The following SORCS2 variants were observed in gnomAD, a reference collection of about 807,000 sequenced individuals.
SORCS2 encodes sortilin related VPS10 domain containing receptor 2, also known as VPS10 domain-containing receptor SorCS2.
In SORCS2, 100 loss-of-function variants were observed where a neutral mutation model predicts 141.6. That is an observed-to-expected ratio of 0.71 (90% CI 0.60 to 0.83). The LOEUF is 0.83. Ranked by LOEUF, SORCS2 falls within the 40% of genes least tolerant of loss-of-function variation. The probability of loss-of-function intolerance (pLI) is 0.00; values close to 1 mark genes in which losing one functional copy is unlikely to be tolerated. For synonymous variants in SORCS2, 789 were observed against 676.9 expected (o/e 1.17, Z -2.57); for missense variants, 1,646 against 1,560.2 (o/e 1.05, Z -0.93).
At chr4:7,466,879 G>A in intron 2 of SORCS2, among the ~76,000 whole-genome samples, 1 of 152,140 alleles carries the variant, frequency 6.6e-6, no homozygotes. Context: ...TATTTGCCAT[G>A]TGCTTGGACA....
chr4:7,295,113 CCCT>C (rs1160286959), intron 1 of SORCS2, among the ~76,000 whole-genome samples: 1 of 14,156 alleles, frequency 7.1e-5, no homozygotes, highest in African/African-American at 4.2e-4. Context: ...TCCTTCCTCT[CCCT>C]CCTCCTCTTC....
chr4:7,724,313 G>GTGA (rs1439970862), intron 19 of SORCS2, among the ~76,000 whole-genome samples: 1 of 138,930 alleles, frequency 7.2e-6, no homozygotes, highest in East Asian at 2.1e-4. Flanking sequence ...AATGGTGGTG[G>GTGA]TGGTGGTGGT....
At chr4:7,585,689 C>T (rs1404641009) in intron 3 of SORCS2, among the ~76,000 whole-genome samples, 3 of 152,196 alleles carry the variant, frequency 2.0e-5, no homozygotes, top group Non-Finnish European at 1.5e-5. Context: ...TTTCAATGCT[C>T]ACAGCCTCTT....
At chr4:7,517,580 C>T (rs189833676) in intron 2 of SORCS2, among the ~76,000 whole-genome samples, 1 of 152,288 alleles carries the variant, frequency 6.6e-6, no homozygotes, top group East Asian at 1.9e-4. Context: ...TGCGAACTGG[C>T]ATACGAAAAT....
intron 2 of SORCS2, among the ~76,000 whole-genome samples, chr4:7,495,269 T>C (rs1453968923): frequency 6.6e-6 from 1 of 152,206 alleles, no homozygotes; most frequent in Non-Finnish European, 1.5e-5. Flanking sequence ...GAGCCTGTCC[T>C]GGGGACCCAC....
At chr4:7,301,126 C>T (rs535954583) in intron 1 of SORCS2, among the ~76,000 whole-genome samples, 23 of 152,272 alleles carry the variant, frequency 1.5e-4, no homozygotes, top group African/African-American at 5.5e-4. Flanking sequence ...CCTTCTGTCC[C>T]TGCTTAGGCC....
chr4:7,304,375 C>T lies in SORCS2; in HGVS notation c.481-91913C>T, dbSNP rs140227789. Among the ~76,000 whole-genome samples the T allele has an allele frequency of 2.6e-3, 390 of 152,288 alleles. 1 individual carries two copies. Among genetic ancestry groups the T allele is most frequent in the African/African-American group, 9.1e-3 (377 of 41,554 alleles). ...CTGCCCTTCCCTCCCTCTTTCCTGC[C>T]TCCTTCCCCCCTTTTATGCATCATC... On this transcript the variant is annotated intron_variant, in intron 1 of 26. Coordinates refer to ENST00000507866, the MANE Select transcript of SORCS2 (RefSeq NM_020777.3).
chr4:7,413,120 A>G (rs556658816), intron 2 of SORCS2, among the ~76,000 whole-genome samples: 1 of 152,252 alleles, frequency 6.6e-6, no homozygotes, highest in African/African-American at 2.4e-5. Context: ...CATTCTTAAT[A>G]TGGGCAGGGC....
intron 1 of SORCS2, among the ~76,000 whole-genome samples, chr4:7,264,951 C>G (rs1276019961): frequency 1.3e-5 from 2 of 152,266 alleles, no homozygotes; most frequent in African/African-American, 4.8e-5. Context: ...GCCATCATTC[C>G]CGCCTGGCCG....
chr4:7,628,519 G>GAAAA (rs11461925), intron 3 of SORCS2, among the ~76,000 whole-genome samples: 3 of 135,434 alleles, frequency 2.2e-5, no homozygotes, highest in Admixed American at 7.3e-5. Context: ...ACTCCGTCTC[G>GAAAA]AAAAAAAAAA....
chr4:7,724,716 ATTG>A (rs1435964195), intron 19 of SORCS2, among the ~76,000 whole-genome samples: 10 of 21,910 alleles, frequency 4.6e-4, no homozygotes, highest in Non-Finnish European at 5.6e-4. Context: ...TGGTGATAGT[ATTG>A]GTGGGAATGG....
intron 1 of SORCS2, among the ~76,000 whole-genome samples, chr4:7,373,478 A>AATTTTTTTTT (rs1722401599): frequency 2.7e-5 from 1 of 36,824 alleles, no homozygotes; most frequent in African/African-American, 1.6e-4. Context: ...ATATATATAT[A>AATTTTTTTTT]TTTTTTTTTT....
At chr4:7,734,825 C>T (rs1191202257) in intron 25 of SORCS2, among the ~76,000 whole-genome samples, 1 of 152,228 alleles carries the variant, frequency 6.6e-6, no homozygotes, top group African/African-American at 2.4e-5. Flanking sequence ...CCCTTCCCTC[C>T]CCTCGAGAGC....
intron 3 of SORCS2, among the ~76,000 whole-genome samples, chr4:7,577,023 C>T (rs1344011389): frequency 6.6e-6 from 1 of 152,164 alleles, no homozygotes; most frequent in Non-Finnish European, 1.5e-5. Context: ...GGTCTTCTGG[C>T]CACCCCTCTG....
chr4:7,626,175 A>G (rs1719504605), intron 3 of SORCS2, among the ~76,000 whole-genome samples: 1 of 152,080 alleles, frequency 6.6e-6, no homozygotes, highest in Admixed American at 6.5e-5. Context: ...TAAATAAATA[A>G]ATAAATAAAA....
chr4:7,560,248 C>T (rs573612166), intron 3 of SORCS2, among the ~76,000 whole-genome samples: 11 of 152,292 alleles, frequency 7.2e-5, no homozygotes, highest in Non-Finnish European at 1.6e-4. Context: ...CGGGATTTGA[C>T]AGTCTTTATT....
chr4:7,489,540 G>T (rs577999266), intron 2 of SORCS2, among the ~76,000 whole-genome samples: 1 of 151,960 alleles, frequency 6.6e-6, no homozygotes, highest in East Asian at 1.9e-4. Flanking sequence ...GGCCCTCCTG[G>T]CCCCTGCAGA....
chr4:7,455,302 A>T (rs1162504987), intron 2 of SORCS2, among the ~76,000 whole-genome samples: 7 of 18,724 alleles, frequency 3.7e-4, no homozygotes, highest in Admixed American at 1.4e-3. Context: ...GGGGTCAGGC[A>T]CTGTGTTGGG....
intron 2 of SORCS2, among the ~76,000 whole-genome samples, chr4:7,409,421 C>T (rs1335557738): frequency 1.3e-5 from 2 of 152,222 alleles, no homozygotes; most frequent in East Asian, 3.8e-4. Context: ...TGCTGCTGAA[C>T]AGACACTCTG....
Sources: gnomAD v4.1 joint callset for allele counts (sites outside exome capture counted in the v4.1 genomes callset) on GRCh38, gnomAD v4.1.1 for gene constraint, MANE v1.5 for transcripts, NCBI Gene and HGNC (gene_info 2026-07-23, HGNC 2026-07-21) for gene names.